The following H2AZ1 variants were observed in gnomAD, a reference collection of about 807,000 sequenced individuals.
H2AZ1 encodes histone H2A.Z.
A neutral mutation model predicts 16.6 loss-of-function variants in H2AZ1; 3 were observed. The observed-to-expected ratio is 0.18, with a 90% CI of 0.08 to 0.47. H2AZ1 has a LOEUF of 0.47. Ranked by LOEUF, H2AZ1 falls within the 20% of genes least tolerant of loss-of-function variation. The probability of loss-of-function intolerance (pLI) is 0.98; values close to 1 mark genes in which losing one functional copy is unlikely to be tolerated. For missense variants in H2AZ1, 27 were observed against 163.6 expected (o/e 0.17, Z 4.55); for synonymous variants, 78 against 60.7 (o/e 1.28, Z -1.32).
intron 1 of H2AZ1, 79 bp from the exon 2 acceptor site, chr4:99,949,819 G>C: frequency 8.6e-7 from 1 of 1,164,884 alleles, no homozygotes; most frequent in Non-Finnish European, 1.2e-6. Context: ...ATCCCCCACC[G>C]CGGCGCGTCC....
At chr4:99,949,187 G>A in intron 3 of H2AZ1, 86 bp downstream of exon 3, 2 of 808,484 alleles carry the variant, frequency 2.5e-6, no homozygotes, top group Non-Finnish European at 2.0e-6. Flanking sequence ...GGGCCTGGGA[G>A]TTTTCTTGCA....
Position 99,950,142 on chromosome 4 carries a change from T to C in H2AZ1, c.3+26A>G, listed in dbSNP as rs755330454. ...CTCTCGCCGGCAAAAACCCGCGGAG[T>C]CATCGAGCGTCTCTGCGAAGTTTAC... On this transcript the variant is annotated intron_variant, in intron 1 of 4. Coordinates refer to ENST00000296417, the MANE Select transcript of H2AZ1 (RefSeq NM_002106.4). 17 of 1,606,708 alleles carry C rather than the reference T, an allele frequency of 1.1e-5. No individual in the cohort carries two copies. The Admixed American group carries it at 2.7e-4, about 25-fold the overall frequency.
At chr4:99,949,163 T>C in intron 3 of H2AZ1, 110 bp downstream of exon 3, 3 of 694,604 alleles carry the variant, frequency 4.3e-6, no homozygotes, top group Non-Finnish European at 7.5e-6. Context: ...CTCTTAGGCC[T>C]CTCGCCGCGT....
intron 3 of H2AZ1, 160 bp from the exon 4 acceptor site, chr4:99,949,100 A>ATTTTTTAAT: frequency 1.5e-6 from 1 of 675,620 alleles, no homozygotes; most frequent in South Asian, 1.8e-5. Flanking sequence ...TTCCAAGAGC[A>ATTTTTTAAT]GAGAACTCAA....
intron 3 of H2AZ1, 151 bp downstream of exon 3, chr4:99,949,122 T>A (rs1308097574): frequency 3.0e-6 from 2 of 662,020 alleles, no homozygotes; most frequent in Non-Finnish European, 5.4e-6. Flanking sequence ...CTCAGTAGGA[T>A]CCTTGTTGAA....
At chr4:99,949,588 G>A (rs1477841926) in intron 2 of H2AZ1, 75 bp downstream of exon 2, 3 of 1,415,040 alleles carry the variant, frequency 2.1e-6, no homozygotes, top group East Asian at 2.3e-5. Flanking sequence ...AACGCCCATC[G>A]AGAGCGATGA....
chr4:99,948,988 G>C, intron 3 of H2AZ1, 48 bp from the exon 4 acceptor site: 1 of 1,126,072 alleles, frequency 8.9e-7, no homozygotes, highest in Non-Finnish European at 1.4e-6. Flanking sequence ...CTTTGGCCAA[G>C]ATTCAGAGAA....
In H2AZ1 at chr4:99,948,942, T is replaced by TA. The variant is rs750928017; in HGVS notation, c.196-3dup. 4.0e-5 allele frequency: 62 copies of TA among 1,555,488 alleles called. No individual in the cohort carries two copies. The highest frequency in any genetic ancestry group is 5.4e-5 in the Non-Finnish European group (61 of 1,127,332). The stretch of plus-strand genomic sequence containing the variant: ...TGCATTTCCTGCCAGTTCAAGTACC[T>TA]AAAAGGCAGAATCTGTCAGTTGCCT... On this transcript the variant is annotated splice_region_variant and splice_polypyrimidine_tract_variant and intron_variant, in intron 3 of 4. Transcript: ENST00000296417.
At chr4:99,949,892 C>A in intron 1 of H2AZ1, 152 bp from the exon 2 acceptor site, 1 of 229,664 alleles carries the variant, frequency 4.4e-6, no homozygotes, top group Non-Finnish European at 7.2e-6. Flanking sequence ...GCAGGGGCGA[C>A]CCCGCCCGTT....
At chr4:99,949,471 C>T (rs1727224214) in intron 2 of H2AZ1, 85 bp from the exon 3 acceptor site, 1 of 1,048,492 alleles carries the variant, frequency 9.5e-7, no homozygotes, top group East Asian at 2.4e-5. Context: ...AAGCAAGGGG[C>T]ACGGGCGCAG....
chr4:99,948,779 G>A (rs959314900), intron 4 of H2AZ1, 32 bp downstream of exon 4: 10 of 1,575,236 alleles, frequency 6.3e-6, no homozygotes, highest in Admixed American at 2.0e-5. Flanking sequence ...TTCCTCTGAA[G>A]AAATTTTTTA....
chr4:99,949,330 A>G lies in H2AZ1; in HGVS notation c.138T>C (p.Arg46=), dbSNP rs1727217439. The G allele has an allele frequency of 6.2e-7, 1 of 1,613,190 alleles. No homozygotes were observed. Among genetic ancestry groups the G allele is most frequent in the African/African-American group, 1.3e-5 (1 of 74,872 alleles). The change falls in exon 3 of 5, where the codon CGT becomes CGC. Residue 46 remains arginine (R), a synonymous_variant. Coordinates refer to ENST00000296417, the MANE Select transcript of H2AZ1 (RefSeq NM_002106.4). ...TGTACACAGCGGCAGTCGCGCCCAC[A>G]CGTCCATGACTGGTCGTCCTAGATT... ...HLKSRTTSHG[R]VGATAAVYSA...
chr4:99,949,868 G>GC (rs1243144313), intron 1 of H2AZ1, 128 bp from the exon 2 acceptor site: 5 of 383,386 alleles, frequency 1.3e-5, no homozygotes, highest in African/African-American at 1.1e-4. Context: ...GGGGTCTCCG[G>GC]CCCGCGGCGC....
Position 99,949,696 on chromosome 4 carries a change from C to T in H2AZ1, c.48G>A (p.Lys16=), listed in dbSNP as rs11554382. Residue 16 remains lysine, a synonymous_variant, in exon 2 of 5, where the codon AAG becomes AAA. Transcript: ENST00000296417. Reference sequence around the variant, plus strand: ...CGGCTCTCTGCGAGCGGGAAACCGCCTTTGTCTTGGCCTTTCCGGAGTCCT... The same window carrying T: ...CGGCTCTCTGCGAGCGGGAAACCGCTTTTGTCTTGGCCTTTCCGGAGTCCT... ...AGKDSGKAKT[K]AVSRSQRAGL... is the part of the protein sequence containing the mutation. 1.9e-6 allele frequency: 3 copies of T among 1,614,108 alleles called. No homozygotes were observed. The highest frequency in any genetic ancestry group is 2.2e-5 in the South Asian group (2 of 91,088).
At chr4:99,948,782 A>G (rs776146590) in intron 4 of H2AZ1, 29 bp downstream of exon 4, 1 of 1,576,050 alleles carries the variant, frequency 6.3e-7, no homozygotes, top group Non-Finnish European at 8.6e-7. Context: ...CTCTGAAGAA[A>G]TTTTTTAAAA....
Position 99,948,526 on chromosome 4 carries a change from A to C in H2AZ1, c.326-3T>G. ...TTTGTGGATGTGTGGAATGACACCT[A>C]GGAGAGTGACAGGAATTAATTCTAC... On this transcript the variant is annotated splice_region_variant and splice_polypyrimidine_tract_variant and intron_variant, in intron 4 of 4. Transcript: ENST00000296417. The C allele has an allele frequency of 6.2e-7, 1 of 1,611,328 alleles. No homozygotes were observed. Among genetic ancestry groups the C allele is most frequent in the Non-Finnish European group, 8.5e-7 (1 of 1,178,024 alleles).
rs746574888 is a variant in H2AZ1, at chr4:99,948,700, C to T, written c.325+111G>A. ...AATCAAATTTCATGATACAACCATACTTCCATCATTGAAAATATACTTAAA... is the reference window on the plus strand; with the variant it reads ...AATCAAATTTCATGATACAACCATATTTCCATCATTGAAAATATACTTAAA... On this transcript the variant is annotated intron_variant, in intron 4 of 4. Transcript: ENST00000296417. 3 of 1,464,464 alleles carry T rather than the reference C, an allele frequency of 2.0e-6. No individual in the cohort carries two copies. In the East Asian group the frequency reaches 7.1e-5, roughly 35 times the overall value. 90.7% of individuals were successfully genotyped at this position (1,464,464 alleles called of 1,614,324 possible).
chr4:99,949,147 A>G, intron 3 of H2AZ1, 126 bp downstream of exon 3: 1 of 666,558 alleles, frequency 1.5e-6, no homozygotes, highest in South Asian at 1.8e-5. Flanking sequence ...AGCTCCCTCT[A>G]GCGTTCTCTT....
chr4:99,949,076 G>A (rs376045749), intron 3 of H2AZ1, 136 bp from the exon 4 acceptor site: 28 of 708,348 alleles, frequency 4.0e-5, no homozygotes, highest in African/African-American at 3.9e-4. Context: ...TATACAGGGG[G>A]CACGCAATTT....
Sources: allele counts gnomAD v4.1 joint callset, GRCh38; gene constraint gnomAD v4.1.1; transcripts MANE v1.5; gene names NCBI Gene and HGNC (gene_info 2026-07-23, HGNC 2026-07-21).